Variants in LMO1 observed in about 807,000 individuals in gnomAD.
The protein encoded by LMO1 is rhombotin-1.
LMO1 carries 10 observed loss-of-function variants against 18.0 expected under a neutral mutation model. The ratio of observed to expected loss-of-function variants is 0.55; its 90% confidence interval spans 0.34 to 0.94. The LOEUF (loss-of-function observed/expected upper bound fraction) is 0.94. Among genes scored for constraint, LMO1 ranks in the 40% least tolerant of loss-of-function variants. The probability of loss-of-function intolerance (pLI) is 0.02; values close to 1 mark genes in which losing one functional copy is unlikely to be tolerated. For synonymous variants in LMO1, 77 were observed against 77.9 expected (o/e 0.99, Z 0.06); for missense variants, 183 against 205.7 (o/e 0.89, Z 0.68).
At chr11:8,240,657 G>A (rs1846770178) in intron 1 of LMO1, among the ~76,000 whole-genome samples, 1 of 152,110 alleles carries the variant, frequency 6.6e-6, no homozygotes. Flanking sequence ...GGGCAAGGGA[G>A]TTCTCTGTGG....
intron 1 of LMO1, among the ~76,000 whole-genome samples, chr11:8,260,870 C>A (rs539604180): frequency 2.0e-5 from 3 of 152,240 alleles, no homozygotes; most frequent in Admixed American, 1.3e-4. Context: ...AGGGAACGCA[C>A]CCTTTGGGGG....
In LMO1 at chr11:8,263,579, A is replaced by G; in HGVS notation, c.-217T>C. 7.3e-7 allele frequency: 1 copy of G among 1,370,324 alleles called. No homozygotes were observed. The highest frequency in any genetic ancestry group is 3.0e-5 in the East Asian group (1 of 33,666). 84.9% of individuals were successfully genotyped at this position (1,370,324 alleles called of 1,614,324 possible). A position where few individuals can be genotyped will look rare whatever the true frequency, so the allele number is the denominator to read the frequency against. ...AGTCTCACCTACTTTTGTGCCTCAG[A>G]ATTGGAAGGAACTACGAACTGCAAT... is the stretch of plus-strand genomic sequence containing the variant. On this transcript the variant is annotated 5_prime_UTR_variant, in exon 1 of 4. Coordinates refer to ENST00000335790, the MANE Select transcript of LMO1 (RefSeq NM_002315.3).
At chr11:8,239,192 C>T (rs894730881) in intron 1 of LMO1, among the ~76,000 whole-genome samples, 6 of 152,342 alleles carry the variant, frequency 3.9e-5, no homozygotes, top group Non-Finnish European at 8.8e-5. Context: ...GGCTTCCCTG[C>T]ACAGCCTGGA....
chr11:8,242,260 C>T (rs545423964), intron 1 of LMO1, among the ~76,000 whole-genome samples: 3 of 152,312 alleles, frequency 2.0e-5, no homozygotes, highest in South Asian at 2.1e-4. Flanking sequence ...GCAGCAAAAA[C>T]GCATCCTCCA....
chr11:8,260,907 C>A (rs1209536756), intron 1 of LMO1, among the ~76,000 whole-genome samples: 1 of 152,200 alleles, frequency 6.6e-6, no homozygotes, highest in Admixed American at 6.5e-5. Flanking sequence ...AATGCTGCCA[C>A]CCAGTTCAGA....
chr11:8,224,834 G>A lies in LMO1; in HGVS notation c.366-113C>T, dbSNP rs553495868. 8 of 707,892 alleles carry A rather than the reference G, an allele frequency of 1.1e-5. No individual in the cohort carries two copies. The South Asian group carries it at 1.1e-4, about 10-fold the overall frequency. The allele number at this position is 707,892 out of a possible 1,614,324, so 43.9% of individuals were successfully genotyped here. ...AGGTGAGCTATGTGGGAGGTGGTGG[G>A]GGGAGTTTGTTCCTTGAACCTTCCA... On this transcript the variant is annotated intron_variant, in intron 3 of 3. Coordinates refer to ENST00000335790, the MANE Select transcript of LMO1 (RefSeq NM_002315.3).
intron 1 of LMO1, among the ~76,000 whole-genome samples, chr11:8,252,956 C>CAT (rs1179156414): frequency 6.6e-6 from 1 of 152,250 alleles, no homozygotes; most frequent in Non-Finnish European, 1.5e-5. Flanking sequence ...GCCACAGTGG[C>CAT]ATATATACTC....
intron 1 of LMO1, among the ~76,000 whole-genome samples, chr11:8,233,727 GC>G (rs1406936462): frequency 9.3e-6 from 1 of 107,166 alleles, no homozygotes; most frequent in Non-Finnish European, 1.9e-5. Flanking sequence ...CTGCCAGCCT[GC>G]CCCCCTGCAG....
upstream of LMO1, among the ~76,000 whole-genome samples, chr11:8,267,060 G>C (rs1000327424): frequency 6.6e-6 from 1 of 152,260 alleles, no homozygotes; most frequent in Non-Finnish European, 1.5e-5. Context: ...GAGTGAAGAA[G>C]TGCACAGTCG....
chr11:8,244,202 T>C (rs1846850265), intron 1 of LMO1, among the ~76,000 whole-genome samples: 2 of 152,038 alleles, frequency 1.3e-5, no homozygotes, highest in African/African-American at 2.4e-5. Flanking sequence ...AGATCACATA[T>C]AGGAGAGGAG....
At chr11:8,225,839 C>T (rs11041818) in intron 3 of LMO1, among the ~76,000 whole-genome samples, 11,580 of 152,280 alleles carry the variant, frequency 0.076, 814 homozygotes, top group East Asian at 0.34. Context: ...CTGTAGGTCC[C>T]TCTGAACCTC....
intron 1 of LMO1, 118 bp from the exon 2 acceptor site, chr11:8,230,622 G>A: frequency 9.2e-7 from 1 of 1,089,522 alleles, no homozygotes; most frequent in Non-Finnish European, 1.3e-6. Context: ...CTAGGTTTGG[G>A]GCTCCCAGGA....
chr11:8,224,564 G>T lies in LMO1; in HGVS notation c.*52C>A. 8.5e-7 allele frequency: 1 copy of T among 1,178,350 alleles called. No individual in the cohort carries two copies. The highest frequency in any genetic ancestry group is 1.2e-6 in the Non-Finnish European group (1 of 812,462). The allele number at this position is 1,178,350 out of a possible 1,614,324, so 73.0% of individuals were successfully genotyped here. On this transcript the variant is annotated 3_prime_UTR_variant, in exon 4 of 4. Coordinates refer to ENST00000335790, the MANE Select transcript of LMO1 (RefSeq NM_002315.3). Reference sequence around the variant, plus strand: ...GAGTGGCTGGCTGGCCGGCCAGGCAGGTGGGCAGGCGGGCAGATGGACAGA... The same window carrying T: ...GAGTGGCTGGCTGGCCGGCCAGGCATGTGGGCAGGCGGGCAGATGGACAGA...
intron 1 of LMO1, among the ~76,000 whole-genome samples, chr11:8,250,762 C>T (rs555756611): frequency 6.6e-6 from 1 of 152,356 alleles, no homozygotes; most frequent in East Asian, 1.9e-4. Flanking sequence ...ACAGACATTT[C>T]TACTCAGAAA....
At position 8,230,530 on chromosome 11, in the gene LMO1, C is replaced by A. The variant is rs80209920; in HGVS notation, c.26-26G>T. Reference sequence around the variant, plus strand: ...CTGCAGACGGACAGACAGACAGCAACGCAGGATGGGCCCCGTAGCTCTGGG... The same window carrying A: ...CTGCAGACGGACAGACAGACAGCAAAGCAGGATGGGCCCCGTAGCTCTGGG... On this transcript the variant is annotated intron_variant, in intron 1 of 3. Coordinates refer to ENST00000335790, the MANE Select transcript of LMO1 (RefSeq NM_002315.3). 3.0e-3 allele frequency: 4,830 copies of A among 1,602,048 alleles called. 106 individuals are homozygous for A. The African/African-American group carries it at 0.053, about 18-fold the overall frequency.
chr11:8,255,643 A>T (rs1039589037), intron 1 of LMO1, among the ~76,000 whole-genome samples: 1 of 152,182 alleles, frequency 6.6e-6, no homozygotes, highest in Non-Finnish European at 1.5e-5. Flanking sequence ...TCCATCCTCC[A>T]GATGTGAGTG....
chr11:8,236,836 T>C (rs1454907706), intron 1 of LMO1, among the ~76,000 whole-genome samples: 2 of 152,210 alleles, frequency 1.3e-5, no homozygotes, highest in African/African-American at 4.8e-5. Context: ...TACATACCCA[T>C]GCATCTAAGC....
At chr11:8,229,585 G>A (rs1952615244) in intron 2 of LMO1, among the ~76,000 whole-genome samples, 1 of 152,208 alleles carries the variant, frequency 6.6e-6, no homozygotes, top group South Asian at 2.1e-4. Flanking sequence ...AGGGTTAATT[G>A]GGGGAGGTGG....
chr11:8,224,919 C>A (rs921915489), intron 3 of LMO1, among the ~76,000 whole-genome samples, 198 bp from the exon 4 acceptor site: 2 of 152,108 alleles, frequency 1.3e-5, no homozygotes, highest in African/African-American at 2.4e-5. Context: ...CCAGCCCCAA[C>A]CTTGGCCAGG....
Sources: allele counts gnomAD v4.1 joint callset (sites outside exome capture counted in the v4.1 genomes callset), GRCh38; gene constraint gnomAD v4.1.1; transcripts MANE v1.5; gene names NCBI Gene and HGNC (gene_info 2026-07-23, HGNC 2026-07-21).